TAF2: variants seen among roughly 807,000 people sequenced by gnomAD.
TAF2 encodes TATA-box binding protein associated factor 2.
TAF2 carries 61 observed loss-of-function variants against 138.5 expected under a neutral mutation model. That is an observed-to-expected ratio of 0.44 (90% CI 0.36 to 0.54). The LOEUF (loss-of-function observed/expected upper bound fraction) is 0.54, where lower values mean the gene tolerates loss of function less well. Among genes scored for constraint, TAF2 ranks in the 20% least tolerant of loss-of-function variants. TAF2 has a pLI of 0.00. For missense variants in TAF2, 1,090 were observed against 1,427.9 expected (o/e 0.76, Z 3.81); for synonymous variants, 475 against 469.9 (o/e 1.01, Z -0.14).
intron 18 of TAF2, among the ~76,000 whole-genome samples, chr8:119,775,795 T>C (rs1320455522): frequency 1.3e-5 from 2 of 152,104 alleles, no homozygotes; most frequent in South Asian, 2.1e-4. Flanking sequence ...TTAAGGGAAA[T>C]AATGGGAAAA....
Position 119,756,051 on chromosome 8 carries a change from A to C in TAF2, c.2833T>G (p.Cys945Gly). 1 of 1,613,788 alleles carries C rather than the reference A, an allele frequency of 6.2e-7. No homozygotes were observed. Among genetic ancestry groups the C allele is most frequent in the Non-Finnish European group, 8.5e-7 (1 of 1,179,838 alleles). The change falls in exon 22 of 26, where the codon TGC (cysteine) becomes GGC (glycine). Residue 945 changes from cysteine to glycine, a missense_variant. Cys to Gly is a radical substitution (Grantham distance 159). Transcript: ENST00000378164. Reference protein sequence around the residue: ...PFTKNMESPLCNEALVDQLWK... With the variant: ...PFTKNMESPLGNEALVDQLWK... Reference sequence around the variant, plus strand: ...AGTTGATCTACCAGGGCTTCATTGCATAAGGGAGACTCCATGTTCTTAGTA... The same window carrying C: ...AGTTGATCTACCAGGGCTTCATTGCCTAAGGGAGACTCCATGTTCTTAGTA...
At chr8:119,774,985 T>TA (rs1357524225) in intron 18 of TAF2, among the ~76,000 whole-genome samples, 2 of 151,490 alleles carry the variant, frequency 1.3e-5, no homozygotes, top group Non-Finnish European at 2.9e-5. Flanking sequence ...TATTAAATAT[T>TA]AAAAAAAATT....
At chr8:119,830,925 G>C (rs1174404335) in intron 2 of TAF2, among the ~76,000 whole-genome samples, 3 of 152,104 alleles carry the variant, frequency 2.0e-5, no homozygotes, top group Admixed American at 2.0e-4. Flanking sequence ...GGCCAACATG[G>C]AGAAAACTCT....
At chr8:119,756,404 G>A (rs1013693398) in intron 21 of TAF2, among the ~76,000 whole-genome samples, 1 of 152,064 alleles carries the variant, frequency 6.6e-6, no homozygotes, top group Non-Finnish European at 1.5e-5. Context: ...CTTACTGTGT[G>A]ATGAGATCTT....
intron 19 of TAF2, among the ~76,000 whole-genome samples, chr8:119,760,999 A>C (rs1029258002): frequency 1.3e-5 from 2 of 152,190 alleles, no homozygotes; most frequent in African/African-American, 4.8e-5. Flanking sequence ...AGTGTAGTCT[A>C]AGTCCACAGT....
chr8:119,803,461 C>G (rs1343347496), intron 5 of TAF2, among the ~76,000 whole-genome samples: 1 of 152,062 alleles, frequency 6.6e-6, no homozygotes, highest in African/African-American at 2.4e-5. Context: ...GAGGCTGAGG[C>G]AGGCAGATCA....
chr8:119,771,293 T>C (rs1821815741), intron 18 of TAF2, among the ~76,000 whole-genome samples: 2 of 152,020 alleles, frequency 1.3e-5, no homozygotes, highest in Admixed American at 1.3e-4. Context: ...TGGAGTGCTG[T>C]GGTGCAACCT....
At position 119,732,042 on chromosome 8, in the gene TAF2, T is replaced by G. The variant is rs749877152; in HGVS notation, c.3482A>C (p.His1161Pro). The change falls in exon 26 of 26, where the codon CAT becomes CCT. Residue 1161 changes from histidine to proline, a missense_variant. Around this residue, in one of 3 missense-constraint regions of TAF2, gnomAD observed 580 missense variants for 719.6 expected, o/e 0.81. Transcript: ENST00000378164. ...HHEHKKKKKK[H>P]KHKHKHKHKH... is the part of the protein sequence containing the mutation. ...ATGCTTGTGTTTGTGCTTATGTTTATGCTTCTTCTTCTTTTTCTTGTGCTC... is the reference window on the plus strand; with the variant it reads ...ATGCTTGTGTTTGTGCTTATGTTTAGGCTTCTTCTTCTTTTTCTTGTGCTC... The G allele has an allele frequency of 1.2e-6, 2 of 1,614,132 alleles. No homozygotes were observed. The highest frequency in any genetic ancestry group is 1.7e-6 in the Non-Finnish European group (2 of 1,180,044).
chr8:119,792,176 T>TA (rs1186021154), intron 10 of TAF2, among the ~76,000 whole-genome samples: 1 of 148,868 alleles, frequency 6.7e-6, no homozygotes, highest in Non-Finnish European at 1.5e-5. Flanking sequence ...TCTTTTGAGA[T>TA]AGAGTCTCGC....
chr8:119,768,427 C>A (rs1189060584), intron 18 of TAF2, among the ~76,000 whole-genome samples: 1 of 152,146 alleles, frequency 6.6e-6, no homozygotes, highest in Non-Finnish European at 1.5e-5. Context: ...GTTCTTAACC[C>A]CAGGGCACCA....
intron 25 of TAF2, among the ~76,000 whole-genome samples, chr8:119,741,565 G>A (rs111723160): frequency 2.0e-5 from 3 of 152,078 alleles, no homozygotes; most frequent in African/African-American, 4.8e-5. Context: ...AACACACAAC[G>A]GTAAGCAATC....
chr8:119,811,421 C>T (rs1825045162), intron 3 of TAF2, among the ~76,000 whole-genome samples: 2 of 150,974 alleles, frequency 1.3e-5, no homozygotes, highest in Admixed American at 6.6e-5. Flanking sequence ...CAGAAAGCTA[C>T]ACACGCCCTA....
chr8:119,742,686 GATTT>G, intron 24 of TAF2, 30 bp from the exon 25 acceptor site: 1 of 1,611,418 alleles, frequency 6.2e-7, no homozygotes, highest in Middle Eastern at 1.7e-4. Flanking sequence ...AAAAAAGAGG[GATTT>G]ATTTCTTTGT....
intron 3 of TAF2, among the ~76,000 whole-genome samples, chr8:119,807,093 T>C (rs1824713437): frequency 6.6e-6 from 1 of 152,200 alleles, no homozygotes; most frequent in Admixed American, 6.5e-5. Flanking sequence ...ACAAGCTTTA[T>C]AATTTGACAA....
chr8:119,810,091 A>C (rs1173541604), intron 3 of TAF2, among the ~76,000 whole-genome samples: 1 of 151,742 alleles, frequency 6.6e-6, no homozygotes, highest in Non-Finnish European at 1.5e-5. Flanking sequence ...TTTTTAAATT[A>C]TCATACAATT....
In TAF2 at chr8:119,832,603, G is replaced by GGGGATACGGGGCATTACTAGTCTT. The variant is rs1826538658; in HGVS notation, c.-63_-40dup. ...GGAGCTTGGCTTCCCGGCTTCCTAG[G>GGGGATACGGGGCATTACTAGTCTT]GGGATACGGGGCATTACTAGTCTTT... On this transcript the variant is annotated 5_prime_UTR_variant, in exon 1 of 26. In the 5' UTR this introduces an upstream ATG that the reference lacks. Transcript: ENST00000378164. The GGGGATACGGGGCATTACTAGTCTT allele has an allele frequency of 1.3e-6, 2 of 1,585,844 alleles. No homozygotes were observed. The highest frequency in any genetic ancestry group is 3.3e-5 in the Admixed American group (2 of 59,854).
chr8:119,806,375 G>A lies in TAF2; in HGVS notation c.326C>T (p.Ala109Val). 1.2e-6 allele frequency: 2 copies of A among 1,613,022 alleles called. No individual in the cohort carries two copies. The highest frequency in any genetic ancestry group is 1.7e-6 in the Non-Finnish European group (2 of 1,179,692). ...CACAGCACTAACTGCAGCTGCATAA[G>A]CATTGGAAAAATAATTGAGGTTTCT... ...KQRNLNYFSN[A>V]YAAAVSAVDP... The change falls in exon 4 of 26, where the codon GCT becomes GTT. Residue 109 changes from alanine to valine, a missense_variant. Around this residue, in one of 3 missense-constraint regions of TAF2, gnomAD observed 504 missense variants for 680.9 expected, o/e 0.74. Transcript: ENST00000378164.
At chr8:119,810,084 T>C (rs188754748) in intron 3 of TAF2, among the ~76,000 whole-genome samples, 1 of 152,152 alleles carries the variant, frequency 6.6e-6, no homozygotes, top group East Asian at 1.9e-4. Flanking sequence ...CTGTGTTTTT[T>C]TAAATTATCA....
chr8:119,791,679 C>G, intron 10 of TAF2: 2 of 481,222 alleles, frequency 4.2e-6, no homozygotes, highest in Non-Finnish European at 7.5e-6. Flanking sequence ...GAAACAAACA[C>G]CAAGCTCCTA....
Sources: gnomAD v4.1 joint callset for allele counts (sites outside exome capture counted in the v4.1 genomes callset) on GRCh38, gnomAD v4.1.1 for gene constraint, gnomAD v4.1.1 regional missense constraint, MANE v1.5 for transcripts, NCBI Gene and HGNC (gene_info 2026-07-23, HGNC 2026-07-21) for gene names.